The following STIM1 variants were observed in gnomAD, a reference collection of about 807,000 sequenced individuals.
STIM1 encodes stromal interaction molecule 1.
A neutral mutation model predicts 74.7 loss-of-function variants in STIM1; 25 were observed. The observed-to-expected ratio is 0.33, with a 90% CI of 0.24 to 0.47. The LOEUF (loss-of-function observed/expected upper bound fraction) is 0.47. Ranked by LOEUF, STIM1 falls within the 20% of genes least tolerant of loss-of-function variation. STIM1 has a pLI of 1.00. For synonymous variants in STIM1, 328 were observed against 348.8 expected, an observed-to-expected ratio of 0.94 and a Z score of 0.66; for missense variants, 728 against 920.8, an observed-to-expected ratio of 0.79 and a Z score of 2.71.
At chr11:4,037,163 C>A (rs1158553110) in intron 3 of STIM1, among the ~76,000 whole-genome samples, 1 of 151,830 alleles carries the variant, frequency 6.6e-6, no homozygotes, top group African/African-American at 2.4e-5. Flanking sequence ...TCAGGCAATT[C>A]TCCTGCCTCA....
chr11:4,044,948 C>T (rs2094178527), intron 3 of STIM1, among the ~76,000 whole-genome samples: 1 of 152,070 alleles, frequency 6.6e-6, no homozygotes, highest in African/African-American at 2.4e-5. Flanking sequence ...GTTAAACATC[C>T]TGCAATGCAC....
At chr11:3,982,454 G>A (rs1038765190) in intron 2 of STIM1, among the ~76,000 whole-genome samples, 1 of 152,136 alleles carries the variant, frequency 6.6e-6, no homozygotes, top group Non-Finnish European at 1.5e-5. Context: ...CCAGCCTATG[G>A]TCTAGTTTAT....
intron 1 of STIM1, among the ~76,000 whole-genome samples, chr11:3,909,587 G>C (rs2092526550): frequency 1.3e-5 from 2 of 152,304 alleles, no homozygotes; most frequent in South Asian, 2.1e-4. Context: ...CACTTTGAGA[G>C]GCTGAGGCGG....
chr11:3,986,979 A>G (rs1315439334), intron 2 of STIM1, among the ~76,000 whole-genome samples: 3 of 152,248 alleles, frequency 2.0e-5, no homozygotes, highest in Non-Finnish European at 4.4e-5. Context: ...GATGAGAGGC[A>G]TGCCCTCTTT....
intron 1 of STIM1, among the ~76,000 whole-genome samples, chr11:3,929,118 T>C (rs1397542149): frequency 6.6e-6 from 1 of 152,248 alleles, no homozygotes; most frequent in Non-Finnish European, 1.5e-5. Context: ...CCCAAAGTGC[T>C]GGGATTACAG....
At chr11:3,923,956 T>A (rs2092752688) in intron 1 of STIM1, among the ~76,000 whole-genome samples, 1 of 152,040 alleles carries the variant, frequency 6.6e-6, no homozygotes, top group South Asian at 2.1e-4. Flanking sequence ...ATGTAGTCTT[T>A]CAACTCATGA....
At chr11:4,079,571 C>T (rs1476478504) in intron 7 of STIM1, among the ~76,000 whole-genome samples, 2 of 149,900 alleles carry the variant, frequency 1.3e-5, no homozygotes, top group African/African-American at 5.0e-5. Flanking sequence ...AAGACTCCAT[C>T]TCAAAAAAAA....
chr11:3,882,819 T>C (rs116646837), intron 1 of STIM1, among the ~76,000 whole-genome samples: 1 of 152,138 alleles, frequency 6.6e-6, no homozygotes, highest in African/African-American at 2.4e-5. Context: ...AGTTTGTTAT[T>C]TTTTTTATTA....
At chr11:3,917,868 G>A (rs796818284) in intron 1 of STIM1, among the ~76,000 whole-genome samples, 1 of 152,194 alleles carries the variant, frequency 6.6e-6, no homozygotes, top group Non-Finnish European at 1.5e-5. Context: ...AGATTCTTTC[G>A]TGACTGTGAT....
At chr11:3,914,554 G>A (rs1040242184) in intron 1 of STIM1, among the ~76,000 whole-genome samples, 3 of 152,100 alleles carry the variant, frequency 2.0e-5, no homozygotes, top group Non-Finnish European at 4.4e-5. Context: ...CAATTCTCCT[G>A]TCTCAGCCTC....
chr11:3,914,705 G>T (rs2092617682), intron 1 of STIM1, among the ~76,000 whole-genome samples: 1 of 152,204 alleles, frequency 6.6e-6, no homozygotes, highest in African/African-American at 2.4e-5. Context: ...CTCCCAAAGT[G>T]CTGGGACTAC....
intron 2 of STIM1, among the ~76,000 whole-genome samples, chr11:4,002,077 A>G (rs1265343007): frequency 1.7e-4 from 24 of 139,666 alleles, no homozygotes; most frequent in Non-Finnish European, 2.8e-4. Context: ...GAGCACCCAG[A>G]TTCATAAAGC....
intron 3 of STIM1, among the ~76,000 whole-genome samples, chr11:4,033,175 T>A (rs6578434): frequency 6.6e-6 from 1 of 151,410 alleles, no homozygotes; most frequent in Non-Finnish European, 1.5e-5. Context: ...TGTAGATATG[T>A]GGCGTTATTT....
intron 1 of STIM1, among the ~76,000 whole-genome samples, chr11:3,936,734 G>A (rs73427515): frequency 0.014 from 2,144 of 152,304 alleles, 50 homozygotes; most frequent in African/African-American, 0.049. Context: ...GAGATGGAGA[G>A]TGGCCTTGAA....
At chr11:4,023,199 C>T (rs2093972055) in intron 2 of STIM1, among the ~76,000 whole-genome samples, 1 of 152,040 alleles carries the variant, frequency 6.6e-6, no homozygotes. Flanking sequence ...TCGGGTGGCA[C>T]ACACCTGTAA....
intron 2 of STIM1, among the ~76,000 whole-genome samples, chr11:3,970,318 G>T (rs1456034120): frequency 6.6e-6 from 1 of 152,138 alleles, no homozygotes; most frequent in Admixed American, 6.5e-5. Flanking sequence ...CACATGGTTA[G>T]AGAGGCCTGC....
At chr11:3,986,534 A>G (rs2093559846) in intron 2 of STIM1, among the ~76,000 whole-genome samples, 1 of 152,170 alleles carries the variant, frequency 6.6e-6, no homozygotes, top group African/African-American at 2.4e-5. Flanking sequence ...GCTAGAAGTA[A>G]ACAGAGCTGG....
chr11:4,042,420 T>C (rs1409483494), intron 3 of STIM1, among the ~76,000 whole-genome samples: 1 of 152,232 alleles, frequency 6.6e-6, no homozygotes, highest in Non-Finnish European at 1.5e-5. Context: ...CATATAATTA[T>C]TTGTTTATAG....
At chr11:4,014,658 T>C (rs2093877929) in intron 2 of STIM1, among the ~76,000 whole-genome samples, 2 of 152,186 alleles carry the variant, frequency 1.3e-5, no homozygotes, top group Admixed American at 1.3e-4. Flanking sequence ...GGTGTTAAAG[T>C]CTCCCATTAT....
Sources: allele counts gnomAD v4.1 joint callset (sites outside exome capture counted in the v4.1 genomes callset), GRCh38; gene constraint gnomAD v4.1.1; transcripts MANE v1.5; gene names NCBI Gene and HGNC (gene_info 2026-07-23, HGNC 2026-07-21).